Variants in PDE2A observed in about 807,000 individuals in gnomAD.
PDE2A encodes phosphodiesterase 2A.
A neutral mutation model predicts 133.6 loss-of-function variants in PDE2A; 53 were observed. The observed-to-expected ratio is 0.40, with a 90% CI of 0.32 to 0.50. The LOEUF is 0.50. Among genes scored for constraint, PDE2A ranks in the 20% least tolerant of loss-of-function variants. The probability of loss-of-function intolerance (pLI) is 0.73; values close to 1 mark genes in which losing one functional copy is unlikely to be tolerated. For synonymous variants in PDE2A, 491 were observed against 490.2 expected (o/e 1.00, Z -0.02); for missense variants, 796 against 1,232.4 (o/e 0.65, Z 5.30).
At chr11:72,626,416 T>A (rs562168268) in intron 2 of PDE2A, among the ~76,000 whole-genome samples, 1 of 152,262 alleles carries the variant, frequency 6.6e-6, no homozygotes, top group African/African-American at 2.4e-5. Flanking sequence ...GGCCAACTTG[T>A]TGGCAGCCAC....
rs1364201449 is a variant in PDE2A, at chr11:72,674,298, G to A, written c.-91C>T. ...AGTTCAGGGCAGGGCACCCCCAGCAGGCACAGGGACCAAGAGCAGTGGGCT... is the reference window on the plus strand; with the variant it reads ...AGTTCAGGGCAGGGCACCCCCAGCAAGCACAGGGACCAAGAGCAGTGGGCT... On this transcript the variant is annotated 5_prime_UTR_variant, in exon 1 of 31. Transcript: ENST00000334456. The A allele has an allele frequency of 1.5e-6, 2 of 1,334,488 alleles. No individual in the cohort carries two copies. The highest frequency in any genetic ancestry group is 1.4e-5 in the African/African-American group (1 of 69,294). The allele number at this position is 1,334,488 out of a possible 1,614,324, so 82.7% of individuals were successfully genotyped here.
intron 26 of PDE2A, 27 bp downstream of exon 26, chr11:72,579,507 T>TTCCCCCCC: frequency 2.2e-6 from 3 of 1,354,172 alleles, no homozygotes; most frequent in Non-Finnish European, 3.1e-6. Flanking sequence ...TCCCCCTCAA[T>TTCCCCCCC]CCCCACCCCA....
At chr11:72,663,273 T>TG (rs1855126558) in intron 1 of PDE2A, among the ~76,000 whole-genome samples, 1 of 152,098 alleles carries the variant, frequency 6.6e-6, no homozygotes, top group South Asian at 2.1e-4. Flanking sequence ...ACAGGTGGCT[T>TG]GGGGGGCTCC....
chr11:72,612,332 T>C (rs1025440113), intron 2 of PDE2A, among the ~76,000 whole-genome samples: 5 of 148,904 alleles, frequency 3.4e-5, no homozygotes, highest in Admixed American at 6.7e-5. Flanking sequence ...GAACTCAGGC[T>C]CGGGATGGGG....
chr11:72,602,786 G>A (rs1856814945), intron 4 of PDE2A, among the ~76,000 whole-genome samples: 1 of 152,210 alleles, frequency 6.6e-6, no homozygotes, highest in African/African-American at 2.4e-5. Flanking sequence ...CAGAGAGACA[G>A]GGAGGGGGCT....
chr11:72,586,261 G>GAAGT, intron 13 of PDE2A, 80 bp from the exon 14 acceptor site: 5 of 855,770 alleles, frequency 5.8e-6, no homozygotes, highest in Non-Finnish European at 5.8e-6. Flanking sequence ...TGTTCCATCA[G>GAAGT]AAGCCCACAG....
At chr11:72,628,637 C>T (rs539373563) in intron 2 of PDE2A, among the ~76,000 whole-genome samples, 25 of 152,352 alleles carry the variant, frequency 1.6e-4, no homozygotes, top group Middle Eastern at 3.4e-3. Flanking sequence ...CAGTGATAGA[C>T]GTTCTTATCC....
rs750263756 is a variant in PDE2A, at chr11:72,674,227, C to T, written c.-20G>A. 2.5e-6 allele frequency: 4 copies of T among 1,603,002 alleles called. No homozygotes were observed. In the South Asian group the frequency reaches 4.4e-5, roughly 18 times the overall value. On this transcript the variant is annotated 5_prime_UTR_variant, in exon 1 of 31. Transcript: ENST00000334456. ...CCCCATCACTCCTCATCGTCCGCCT[C>T]CCCAGCCAGACTAAGGTGGCACCTC...
In PDE2A at chr11:72,602,540, G is replaced by A. The variant is rs545693757; in HGVS notation, c.323+2598C>T. On this transcript the variant is annotated intron_variant, in intron 4 of 30. Coordinates refer to ENST00000334456, the MANE Select transcript of PDE2A (RefSeq NM_002599.5). ...TAGGTCAGTCCCTCTCCCTCCTGGG[G>A]GGACCAGAGCCACAAAGGTCACCAT... Among the ~76,000 whole-genome samples the A allele has an allele frequency of 1.6e-3, 251 of 152,240 alleles. 1 individual carries two copies. Among genetic ancestry groups the A allele is most frequent in the African/African-American group, 5.7e-3 (237 of 41,522 alleles).
chr11:72,614,587 C>A (rs1158103624), intron 2 of PDE2A, among the ~76,000 whole-genome samples: 1 of 152,206 alleles, frequency 6.6e-6, no homozygotes, highest in Non-Finnish European at 1.5e-5. Flanking sequence ...TACAGTAGGT[C>A]TGGGACGAGG....
chr11:72,579,588 G>A lies in PDE2A; in HGVS notation c.2202C>T (p.Ala734=), dbSNP rs762076308. 7 of 1,609,978 alleles carry A rather than the reference G, an allele frequency of 4.3e-6. No individual in the cohort carries two copies. The highest frequency in any genetic ancestry group is 2.2e-5 in the East Asian group (1 of 44,672). The change falls in exon 26 of 31, where the codon GCC becomes GCT. Residue 734 remains alanine, a synonymous_variant. Transcript: ENST00000334456. ...SVMERHHFAQ[A]IAILNTHGCN... ...AGCCGTGGGTGTTGAGGATGGCGAT[G>A]GCCTGAGCAAAGTGGTGCCTCTGGG...
At chr11:72,607,079 C>A (rs374537955) in intron 3 of PDE2A, among the ~76,000 whole-genome samples, 3 of 152,160 alleles carry the variant, frequency 2.0e-5, no homozygotes, top group African/African-American at 7.2e-5. Context: ...AGCTCCCTTA[C>A]CTCACTGGGG....
At position 72,640,505 on chromosome 11, in the gene PDE2A, G is replaced by A. The variant is rs117804347; in HGVS notation, c.144+1749C>T. Among the ~76,000 whole-genome samples the A allele has an allele frequency of 4.4e-3, 666 of 152,044 alleles. 3 individuals are homozygous for A. Among genetic ancestry groups the A allele is most frequent in the Non-Finnish European group, 6.7e-3 (456 of 67,990 alleles). ...CTGCAACCCTTTCCTGTCCAGAATC[G>A]CGGGAGCAGCCACCACACAGACACA... On this transcript the variant is annotated intron_variant, in intron 2 of 30. Coordinates refer to ENST00000334456, the MANE Select transcript of PDE2A (RefSeq NM_002599.5).
rs536662524 is a variant in PDE2A, at chr11:72,668,280, G to T, written c.71+5857C>A. 5 of 718,342 alleles carry T rather than the reference G, an allele frequency of 7.0e-6. No homozygotes were observed. The East Asian group carries it at 1.3e-4, about 19-fold the overall frequency. The allele number at this position is 718,342 out of a possible 1,614,324, so 44.5% of individuals were successfully genotyped here. A position where few individuals can be genotyped will look rare whatever the true frequency, so the allele number is the denominator to read the frequency against. The stretch of plus-strand genomic sequence containing the variant: ...CAGACAGATTTGTGCCCCAGGTCTG[G>T]CTCCACTGGCTGAATACCTGTGGGC... On this transcript the variant is annotated intron_variant, in intron 1 of 30. Transcript: ENST00000334456.
chr11:72,598,763 ATC>A (rs1283416882), intron 4 of PDE2A: 1 of 985,284 alleles, frequency 1.0e-6, no homozygotes, highest in Non-Finnish European at 1.2e-6. Flanking sequence ...GAGGTTGAGC[ATC>A]TCGTTCAAGC....
At position 72,611,371 on chromosome 11, in the gene PDE2A, C is replaced by A. The variant is rs543131976; in HGVS notation, c.145-2620G>T. On this transcript the variant is annotated intron_variant, in intron 2 of 30. Transcript: ENST00000334456. ...AGCCCTGTCTGGTTCCTGCTCAGCA[C>A]CCGATCCCCAGCTCCCACCCTAGGG... Among the ~76,000 whole-genome samples, 12 of 152,246 alleles carry A rather than the reference C, an allele frequency of 7.9e-5. No individual in the cohort carries two copies. The South Asian group carries it at 2.5e-3, about 32-fold the overall frequency.
At chr11:72,615,848 C>T (rs756945490) in intron 2 of PDE2A, among the ~76,000 whole-genome samples, 2 of 152,178 alleles carry the variant, frequency 1.3e-5, no homozygotes, top group Non-Finnish European at 2.9e-5. Flanking sequence ...AGAGTCGCGC[C>T]ACAAAAGAGA....
intron 14 of PDE2A, 43 bp downstream of exon 14, chr11:72,586,027 G>T: frequency 8.5e-7 from 1 of 1,174,374 alleles, no homozygotes; most frequent in Non-Finnish European, 1.3e-6. Context: ...GCTGAAAACT[G>T]AGCGAGTCGG....
chr11:72,602,479 G>A (rs540258786), intron 4 of PDE2A, among the ~76,000 whole-genome samples: 3 of 152,190 alleles, frequency 2.0e-5, no homozygotes, highest in Admixed American at 6.5e-5. Flanking sequence ...CCACCTCCTC[G>A]GGCACTGCTA....
Sources: allele counts gnomAD v4.1 joint callset (sites outside exome capture counted in the v4.1 genomes callset), GRCh38; gene constraint gnomAD v4.1.1; transcripts MANE v1.5; gene names NCBI Gene and HGNC (gene_info 2026-07-23, HGNC 2026-07-21).